BTBD10: variants seen among roughly 807,000 people sequenced by gnomAD.
BTBD10 encodes the protein BTB domain containing 10, also known as BTB/POZ domain-containing protein 10.
BTBD10 carries 21 observed loss-of-function variants against 53.2 expected under a neutral mutation model. That is an observed-to-expected ratio of 0.39 (90% CI 0.28 to 0.57). The LOEUF (loss-of-function observed/expected upper bound fraction) is 0.57, where lower values mean the gene tolerates loss of function less well. Among genes scored for constraint, BTBD10 ranks in the 20% least tolerant of loss-of-function variants. The pLI, the probability that BTBD10 is intolerant of heterozygous loss-of-function variation, is 0.53. For missense variants in BTBD10, 360 were observed against 594.7 expected, an observed-to-expected ratio of 0.61 and a Z score of 4.10; for synonymous variants, 149 against 192.7, an observed-to-expected ratio of 0.77 and a Z score of 1.88.
intron 8 of BTBD10, among the ~76,000 whole-genome samples, chr11:13,389,658 C>G (rs1313807728): frequency 6.6e-6 from 1 of 152,104 alleles, no homozygotes; most frequent in Non-Finnish European, 1.5e-5. Context: ...GAACTCCTGA[C>G]CTCAAGTGAT....
chr11:13,388,790 C>G lies in BTBD10; in HGVS notation c.*41G>C. 1.9e-6 allele frequency: 3 copies of G among 1,570,256 alleles called. No individual in the cohort carries two copies. The highest frequency in any genetic ancestry group is 2.6e-6 in the Non-Finnish European group (3 of 1,154,764). On this transcript the variant is annotated 3_prime_UTR_variant, in exon 9 of 9. Coordinates refer to ENST00000278174, the MANE Select transcript of BTBD10 (RefSeq NM_032320.7). ...GCAGAATGAGGAGAGTACAACGTCA[C>G]TGTGAAGAGTAGCATGCTATGGTTT...
chr11:13,428,291 A>G (rs1317517563), intron 2 of BTBD10, among the ~76,000 whole-genome samples: 2 of 152,170 alleles, frequency 1.3e-5, no homozygotes, highest in African/African-American at 4.8e-5. Context: ...TTTAATTTGT[A>G]GTTTAAAACA....
chr11:13,446,033 T>A (rs1950744416), intron 1 of BTBD10, among the ~76,000 whole-genome samples: 1 of 152,178 alleles, frequency 6.6e-6, no homozygotes, highest in African/African-American at 2.4e-5. Context: ...CAAGGATAAT[T>A]CACTATATAG....
At chr11:13,450,899 AG>A (rs1236269300) in intron 1 of BTBD10, among the ~76,000 whole-genome samples, 2 of 152,228 alleles carry the variant, frequency 1.3e-5, no homozygotes, top group African/African-American at 4.8e-5. Flanking sequence ...CAGTAGTGAA[AG>A]AAGAGCTTAC....
chr11:13,424,673 C>T (rs1393324602), intron 2 of BTBD10, among the ~76,000 whole-genome samples: 3 of 152,016 alleles, frequency 2.0e-5, no homozygotes, highest in Non-Finnish European at 4.4e-5. Flanking sequence ...ACTGGATTAG[C>T]CCTAATATCT....
intron 1 of BTBD10, among the ~76,000 whole-genome samples, chr11:13,447,154 T>C (rs1000139056): frequency 1.3e-5 from 2 of 152,138 alleles, no homozygotes; most frequent in African/African-American, 4.8e-5. Flanking sequence ...TTATCTCTCC[T>C]CTTCTTTTTC....
chr11:13,432,173 A>C (rs1365474546), intron 2 of BTBD10, among the ~76,000 whole-genome samples: 1 of 152,190 alleles, frequency 6.6e-6, no homozygotes, highest in Non-Finnish European at 1.5e-5. Flanking sequence ...ACAGGGATAC[A>C]GAACCAAATT....
At chr11:13,435,556 A>T (rs1423229104) in intron 2 of BTBD10, among the ~76,000 whole-genome samples, 1 of 151,998 alleles carries the variant, frequency 6.6e-6, no homozygotes, top group East Asian at 1.9e-4. Flanking sequence ...GCAGTGGCGC[A>T]CTCTCGGCTC....
chr11:13,440,272 C>T, intron 2 of BTBD10: 3 of 1,207,614 alleles, frequency 2.5e-6, no homozygotes, highest in Non-Finnish European at 3.1e-6. Flanking sequence ...AACAAAACAG[C>T]ATCGTGTGAG....
intron 8 of BTBD10, among the ~76,000 whole-genome samples, chr11:13,390,469 G>A (rs573347599): frequency 4.0e-5 from 6 of 151,682 alleles, no homozygotes; most frequent in African/African-American, 1.5e-4. Flanking sequence ...TCAGCCTCTC[G>A]AGTAGCTGGG....
chr11:13,446,413 TAC>T (rs1950750083), intron 1 of BTBD10, among the ~76,000 whole-genome samples: 1 of 152,100 alleles, frequency 6.6e-6, no homozygotes, highest in Non-Finnish European at 1.5e-5. Context: ...CAGTAGAAAA[TAC>T]ATTTTCATTT....
chr11:13,425,871 T>C (rs1464457634), intron 2 of BTBD10, among the ~76,000 whole-genome samples: 1 of 152,056 alleles, frequency 6.6e-6, no homozygotes, highest in Non-Finnish European at 1.5e-5. Flanking sequence ...ATGTTACATG[T>C]CAATTAAAAA....
chr11:13,414,391 C>G (rs977155540), intron 5 of BTBD10, among the ~76,000 whole-genome samples: 1 of 152,138 alleles, frequency 6.6e-6, no homozygotes, highest in Non-Finnish European at 1.5e-5. Context: ...CCATGACTCA[C>G]GCCTATAATC....
intron 4 of BTBD10, among the ~76,000 whole-genome samples, chr11:13,418,664 A>C (rs1182089481): frequency 6.6e-6 from 1 of 152,170 alleles, no homozygotes; most frequent in African/African-American, 2.4e-5. Context: ...TTCTGTATTG[A>C]GACAATGATA....
chr11:13,445,262 A>C, intron 1 of BTBD10, 81 bp from the exon 2 acceptor site: 1 of 490,242 alleles, frequency 2.0e-6, no homozygotes, highest in Middle Eastern at 3.0e-4. Context: ...ACTTGATATT[A>C]TTGTGACATA....
intron 2 of BTBD10, chr11:13,439,940 C>CA: frequency 6.5e-7 from 1 of 1,534,644 alleles, no homozygotes; most frequent in Non-Finnish European, 8.7e-7. Context: ...ATTTTGAAAT[C>CA]AGAGTATAAA....
At position 13,456,441 on chromosome 11, in the gene BTBD10, T is replaced by C. The variant is rs138147397; in HGVS notation, c.-58+6651A>G. On this transcript the variant is annotated intron_variant, in intron 1 of 8. Coordinates refer to ENST00000278174, the MANE Select transcript of BTBD10 (RefSeq NM_032320.7). ...ATACAAGGATATACTCCAAATGAAA[T>C]CAACTATCTAAATGTAAAAACTGGA... Among the ~76,000 whole-genome samples, 486 of 152,114 alleles carry C rather than the reference T, an allele frequency of 3.2e-3. 4 individuals carry two copies. Among genetic ancestry groups the C allele is most frequent in the African/African-American group, 0.011 (445 of 41,492 alleles).
At chr11:13,449,537 T>G (rs1950814568) in intron 1 of BTBD10, among the ~76,000 whole-genome samples, 1 of 152,192 alleles carries the variant, frequency 6.6e-6, no homozygotes, top group South Asian at 2.1e-4. Context: ...ACCAACAATG[T>G]GCCTTTTAAA....
chr11:13,453,171 T>C (rs1950897668), intron 1 of BTBD10, among the ~76,000 whole-genome samples: 1 of 151,996 alleles, frequency 6.6e-6, no homozygotes, highest in African/African-American at 2.4e-5. Flanking sequence ...AAATAAGATA[T>C]ATAGATACAG....
Sources: gnomAD v4.1 joint callset for allele counts (sites outside exome capture counted in the v4.1 genomes callset) on GRCh38, gnomAD v4.1.1 for gene constraint, MANE v1.5 for transcripts, NCBI Gene and HGNC (gene_info 2026-07-23, HGNC 2026-07-21) for gene names.